PCDH15: variants seen among roughly 807,000 people sequenced by gnomAD.
The protein encoded by PCDH15 is protocadherin-15.
In PCDH15, 129 loss-of-function variants were observed where a neutral mutation model predicts 178.5. The ratio of observed to expected loss-of-function variants is 0.72; its 90% CI spans 0.63 to 0.84. The LOEUF (loss-of-function observed/expected upper bound fraction) is 0.84. Ranked by LOEUF, PCDH15 falls within the 40% of genes least tolerant of loss-of-function variation. The pLI is 0.00. For synonymous variants in PCDH15, 800 were observed against 732.0 expected (o/e 1.09, Z -1.50); for missense variants, 2,230 against 2,099.9 (o/e 1.06, Z -1.21).
chr10:55,568,799 T>A (rs1842353286), intron 2 of PCDH15, among the ~76,000 whole-genome samples: 1 of 152,080 alleles, frequency 6.6e-6, no homozygotes, highest in Admixed American at 6.6e-5. Flanking sequence ...TCACTAGGGA[T>A]GCTCTGGAGA....
intron 2 of PCDH15, among the ~76,000 whole-genome samples, chr10:55,536,373 G>T (rs1841578374): frequency 6.6e-6 from 1 of 152,010 alleles, no homozygotes; most frequent in Admixed American, 6.6e-5. Flanking sequence ...GTTCTAATCT[G>T]CTTAGTTTGC....
chr10:53,913,297 G>C (rs2083258500), intron 25 of PCDH15, among the ~76,000 whole-genome samples: 1 of 151,978 alleles, frequency 6.6e-6, no homozygotes, highest in Non-Finnish European at 1.5e-5. Flanking sequence ...AATTCAAGAT[G>C]GATTAAAGAC....
chr10:54,752,707 T>C (rs1207021128), intron 1 of PCDH15, among the ~76,000 whole-genome samples: 1 of 110,508 alleles, frequency 9.0e-6, no homozygotes, highest in Non-Finnish European at 2.1e-5. Flanking sequence ...TTGAAAGCAA[T>C]GAAAGTATAT....
At chr10:54,299,142 GGAAAGAGA>G (rs2059985318) in intron 8 of PCDH15, among the ~76,000 whole-genome samples, 1 of 150,992 alleles carries the variant, frequency 6.6e-6, no homozygotes, top group African/African-American at 2.4e-5. Context: ...CCAGCAGAAA[GGAAAGAGA>G]GAAAGAGACA....
chr10:53,863,278 T>C (rs1178942773), intron 27 of PCDH15, among the ~76,000 whole-genome samples: 1 of 152,042 alleles, frequency 6.6e-6, no homozygotes, highest in African/African-American at 2.4e-5. Context: ...CTGAGAAACC[T>C]CAATACTACA....
At chr10:54,717,246 C>T (rs1463104208) in intron 1 of PCDH15, among the ~76,000 whole-genome samples, 3 of 120,526 alleles carry the variant, frequency 2.5e-5, no homozygotes, top group South Asian at 2.9e-4. Flanking sequence ...CAACAAAAGA[C>T]AAAATTGACA....
intron 1 of PCDH15, among the ~76,000 whole-genome samples, chr10:54,753,763 A>G (rs1031561722): frequency 2.6e-5 from 4 of 152,088 alleles, no homozygotes; most frequent in African/African-American, 7.2e-5. Context: ...CACCTTCCTG[A>G]GCACAGAAAG....
At chr10:54,268,173 G>A (rs1234907802) in intron 8 of PCDH15, among the ~76,000 whole-genome samples, 2 of 151,728 alleles carry the variant, frequency 1.3e-5, no homozygotes, top group Non-Finnish European at 3.0e-5. Flanking sequence ...AAATGCAATA[G>A]GGAAAGGATA....
intron 2 of PCDH15, among the ~76,000 whole-genome samples, chr10:54,590,163 C>T (rs1439722413): frequency 2.6e-5 from 4 of 151,918 alleles, no homozygotes; most frequent in East Asian, 3.9e-4. Context: ...AACTTTTAAA[C>T]AATAAAACAC....
chr10:54,721,877 G>T (rs76085826), intron 1 of PCDH15, among the ~76,000 whole-genome samples: 2,606 of 151,786 alleles, frequency 0.017, 75 homozygotes, highest in African/African-American at 0.058. Context: ...AACAAAAGTG[G>T]TATCATCTTG....
In PCDH15 at chr10:55,392,048, G is replaced by A. The variant is rs558932092; in HGVS notation, c.-155-225397C>T. On this transcript the variant is annotated intron_variant, in intron 2 of 5. Transcript: ENST00000613346. ...CTGATAGAGGGAATTAAGAGACCTC[G>A]GGAAAGAGTCTTGGTGCAATCAGAA... 2.0e-4 allele frequency among the ~76,000 whole-genome samples: 30 copies of A among 152,224 alleles called. No individual in the cohort carries two copies. The South Asian group carries it at 4.1e-3, about 21-fold the overall frequency.
At chr10:54,936,732 T>C (rs552478115) in intron 2 of PCDH15, among the ~76,000 whole-genome samples, 21 of 151,512 alleles carry the variant, frequency 1.4e-4, no homozygotes, top group African/African-American at 4.1e-4. Flanking sequence ...TTTTTTAGTT[T>C]TTAGTTTTAA....
intron 3 of PCDH15, among the ~76,000 whole-genome samples, chr10:54,890,100 G>T (rs1341161866): frequency 6.6e-6 from 1 of 151,948 alleles, no homozygotes; most frequent in Non-Finnish European, 1.5e-5. Flanking sequence ...GAGATCAACT[G>T]TGTCTTTGGC....
intron 3 of PCDH15, among the ~76,000 whole-genome samples, chr10:54,382,604 T>C (rs1237527243): frequency 2.0e-5 from 3 of 152,186 alleles, no homozygotes; most frequent in African/African-American, 4.8e-5. Context: ...TTCTATGTTG[T>C]ATACATGTGT....
At chr10:54,209,524 G>T (rs1387821029) in intron 10 of PCDH15, among the ~76,000 whole-genome samples, 1 of 152,020 alleles carries the variant, frequency 6.6e-6, no homozygotes, top group Non-Finnish European at 1.5e-5. Flanking sequence ...TAGCTTGAGT[G>T]GGTGACCAAC....
intron 2 of PCDH15, among the ~76,000 whole-genome samples, chr10:55,350,699 A>G (rs981716572): frequency 6.6e-6 from 1 of 152,198 alleles, no homozygotes; most frequent in Non-Finnish European, 1.5e-5. Context: ...TTTCACTGAT[A>G]ATTTTTTTCA....
At chr10:54,841,566 A>C (rs928113360) in intron 3 of PCDH15, among the ~76,000 whole-genome samples, 1 of 151,702 alleles carries the variant, frequency 6.6e-6, no homozygotes, top group African/African-American at 2.4e-5. Context: ...AGCAACAAAT[A>C]ATATAAAGAC....
chr10:55,533,152 G>A (rs1042710390), intron 2 of PCDH15, among the ~76,000 whole-genome samples: 6 of 151,976 alleles, frequency 3.9e-5, no homozygotes, highest in African/African-American at 1.2e-4. Context: ...GAAAGCACTC[G>A]CCTTGAAAAC....
At chr10:54,431,512 T>C (rs1389345724) in intron 3 of PCDH15, among the ~76,000 whole-genome samples, 1 of 152,214 alleles carries the variant, frequency 6.6e-6, no homozygotes, top group Non-Finnish European at 1.5e-5. Context: ...AACTGTATGA[T>C]AAATTCCATT....
Sources: allele counts gnomAD v4.1 joint callset (sites outside exome capture counted in the v4.1 genomes callset), GRCh38; gene constraint gnomAD v4.1.1; transcripts MANE v1.5; gene names NCBI Gene and HGNC (gene_info 2026-07-23, HGNC 2026-07-21).